Variants in ITCH observed in about 807,000 individuals in gnomAD.
The protein encoded by ITCH is itchy E3 ubiquitin protein ligase, also known as E3 ubiquitin-protein ligase Itchy homolog.
In ITCH, 28 loss-of-function variants were observed where a neutral mutation model predicts 126.8. The observed-to-expected ratio is 0.22, with a 90% CI of 0.16 to 0.30. The LOEUF (loss-of-function observed/expected upper bound fraction) is 0.30, where lower values mean the gene tolerates loss of function less well. Among genes scored for constraint, ITCH ranks in the 10% least tolerant of loss-of-function variants. The pLI is 1.00. For synonymous variants in ITCH, 342 were observed against 340.0 expected, an observed-to-expected ratio of 1.01 and a Z score of -0.06; for missense variants, 631 against 1,032.4, an observed-to-expected ratio of 0.61 and a Z score of 5.33.
At chr20:34,451,912 T>TA (rs1008645518) in intron 12 of ITCH, among the ~76,000 whole-genome samples, 2 of 151,422 alleles carry the variant, frequency 1.3e-5, no homozygotes, top group African/African-American at 4.9e-5. Flanking sequence ...TATAAAAAAA[T>TA]ACAAAAAATA....
intron 14 of ITCH, among the ~76,000 whole-genome samples, chr20:34,468,534 T>G (rs1271106542): frequency 6.6e-6 from 1 of 151,014 alleles, no homozygotes; most frequent in Non-Finnish European, 1.5e-5. Flanking sequence ...CTCACGCCTG[T>G]AATCCCAGCA....
At chr20:34,398,895 A>G (rs930389028) in intron 3 of ITCH, among the ~76,000 whole-genome samples, 6 of 152,190 alleles carry the variant, frequency 3.9e-5, no homozygotes, top group Admixed American at 2.6e-4. Context: ...GCCAAGTTTA[A>G]TAGAATCAAA....
intron 19 of ITCH, 47 bp from the exon 20 acceptor site, chr20:34,481,019 G>T: frequency 1.3e-6 from 2 of 1,587,050 alleles, no homozygotes; most frequent in Non-Finnish European, 1.7e-6. Flanking sequence ...TATAAATTAT[G>T]ATTGAATTGG....
At chr20:34,461,709 TAAAAAAA>T (rs11469882) in intron 13 of ITCH, among the ~76,000 whole-genome samples, 3 of 78,400 alleles carry the variant, frequency 3.8e-5, no homozygotes, top group Admixed American at 3.3e-4. Flanking sequence ...ACTCCATCTA[TAAAAAAA>T]AAAAAAAAAA....
At chr20:34,392,502 T>G (rs1161479311) in intron 2 of ITCH, among the ~76,000 whole-genome samples, 1 of 152,178 alleles carries the variant, frequency 6.6e-6, no homozygotes, top group Non-Finnish European at 1.5e-5. Flanking sequence ...GGAATTATTG[T>G]TCTATTTCAT....
chr20:34,423,003 C>A (rs545495959), intron 6 of ITCH, among the ~76,000 whole-genome samples: 23 of 152,278 alleles, frequency 1.5e-4, no homozygotes, highest in Non-Finnish European at 3.2e-4. Flanking sequence ...CCATGTTGGC[C>A]AGGCTGGTCT....
intron 2 of ITCH, among the ~76,000 whole-genome samples, chr20:34,393,016 T>C (rs979855149): frequency 6.6e-6 from 1 of 152,332 alleles, no homozygotes; most frequent in South Asian, 2.1e-4. Context: ...TCCTCCAGTT[T>C]ATAATCATCT....
Position 34,476,280 on chromosome 20 carries a change from A to G in ITCH, c.1570-1492A>G, listed in dbSNP as rs934296888. On this transcript the variant is annotated intron_variant, in intron 16 of 24. Transcript: ENST00000374864. ...AGTTTATAAAGTGGACTGTCACTTT[A>G]TCTTCTGAGCTGCTCCGCGCCCCTG... 4 of 863,596 alleles carry G rather than the reference A, an allele frequency of 4.6e-6. No individual in the cohort carries two copies. In the East Asian group the frequency reaches 9.6e-5, roughly 21 times the overall value. 53.5% of individuals were successfully genotyped at this position (863,596 alleles called of 1,614,324 possible).
intron 12 of ITCH, among the ~76,000 whole-genome samples, chr20:34,454,141 C>CTT (rs1296651082): frequency 1.4e-5 from 2 of 142,376 alleles, no homozygotes; most frequent in Non-Finnish European, 3.1e-5. Context: ...TTATGTTTTT[C>CTT]TTTTTTTTTT....
intron 6 of ITCH, 82 bp from the exon 7 acceptor site, chr20:34,424,398 C>A: frequency 1.0e-6 from 1 of 998,378 alleles, no homozygotes; most frequent in South Asian, 1.3e-5. Flanking sequence ...AAAGGCTTTG[C>A]TTACATGGCA....
intron 12 of ITCH, chr20:34,451,125 T>A (rs1480327317): frequency 6.6e-6 from 1 of 151,884 alleles, no homozygotes; most frequent in Non-Finnish European, 1.5e-5. Flanking sequence ...CTGTCTCTAC[T>A]AAAAATACAA....
intron 20 of ITCH, among the ~76,000 whole-genome samples, chr20:34,481,781 G>C (rs2146475438): frequency 6.6e-6 from 1 of 152,316 alleles, no homozygotes; most frequent in South Asian, 2.1e-4. Context: ...GGAAGGCCAA[G>C]GCAGGCAGAT....
At chr20:34,374,778 G>C (rs967239698) in intron 2 of ITCH, among the ~76,000 whole-genome samples, 1 of 150,278 alleles carries the variant, frequency 6.7e-6, no homozygotes, top group Non-Finnish European at 1.5e-5. Flanking sequence ...TTGTTGCCCA[G>C]GCTGGAGTGC....
chr20:34,464,011 G>A (rs946299271), intron 14 of ITCH, among the ~76,000 whole-genome samples: 5 of 151,892 alleles, frequency 3.3e-5, no homozygotes, highest in African/African-American at 1.2e-4. Flanking sequence ...CTCTCTCTCT[G>A]TCACCCAGGC....
chr20:34,364,021 A>G (rs1245916431), intron 1 of ITCH, among the ~76,000 whole-genome samples: 1 of 152,110 alleles, frequency 6.6e-6, no homozygotes, highest in Non-Finnish European at 1.5e-5. Flanking sequence ...TTTAGCAGAG[A>G]AAAGAAAAAA....
rs1360447925 is a variant in ITCH at position 34,393,775 on chromosome 20, C to G, written c.-21-16C>G. 6.8e-7 allele frequency: 1 copy of G among 1,466,522 alleles called. No homozygotes were observed. Among genetic ancestry groups the G allele is most frequent in the East Asian group, 2.3e-5 (1 of 44,188 alleles). 90.8% of individuals were successfully genotyped at this position (1,466,522 alleles called of 1,614,324 possible). On this transcript the variant is annotated splice_polypyrimidine_tract_variant and intron_variant, in intron 2 of 24. Transcript: ENST00000374864. ...GGAATTTTTGATGTTTACAGTGTCTCCTTTGCCATGTTCAGGTTTTCCAAC... is the reference window on the plus strand; with the variant it reads ...GGAATTTTTGATGTTTACAGTGTCTGCTTTGCCATGTTCAGGTTTTCCAAC...
intron 13 of ITCH, among the ~76,000 whole-genome samples, chr20:34,458,940 G>A (rs577199409): frequency 1.3e-5 from 2 of 152,274 alleles, no homozygotes; most frequent in South Asian, 4.1e-4. Context: ...ACCCATAACA[G>A]TCTGTAATAC....
At chr20:34,440,586 A>G (rs1431414882) in intron 9 of ITCH, among the ~76,000 whole-genome samples, 1 of 151,980 alleles carries the variant, frequency 6.6e-6, no homozygotes, top group Non-Finnish European at 1.5e-5. Flanking sequence ...CCTCCCTAGT[A>G]GCTAGGATTA....
chr20:34,470,557 C>T (rs572566587), intron 15 of ITCH, among the ~76,000 whole-genome samples: 44 of 152,104 alleles, frequency 2.9e-4, no homozygotes, highest in African/African-American at 1.1e-3. Context: ...TAAGTAAAAG[C>T]ATTTTCTGAT....
Sources: gnomAD v4.1 joint callset for allele counts (sites outside exome capture counted in the v4.1 genomes callset) on GRCh38, gnomAD v4.1.1 for gene constraint, MANE v1.5 for transcripts, NCBI Gene and HGNC (gene_info 2026-07-23, HGNC 2026-07-21) for gene names.